The following LEPROTL1 variants were observed in gnomAD, a reference collection of about 807,000 sequenced individuals.
The protein encoded by LEPROTL1 is leptin receptor overlapping transcript like 1, also known as leptin receptor overlapping transcript-like 1.
Under a neutral mutation model 15.4 loss-of-function variants are expected in LEPROTL1, and 6 were observed. That is an observed-to-expected ratio of 0.39 (90% CI 0.21 to 0.77). The LOEUF (loss-of-function observed/expected upper bound fraction) is 0.77, where lower values mean the gene tolerates loss of function less well. Among genes scored for constraint, LEPROTL1 ranks in the 30% least tolerant of loss-of-function variants. The pLI is 0.41. For missense variants in LEPROTL1, 128 were observed against 158.1 expected, an observed-to-expected ratio of 0.81 and a Z score of 1.02; for synonymous variants, 56 against 52.6, an observed-to-expected ratio of 1.06 and a Z score of -0.28.
downstream of LEPROTL1, among the ~76,000 whole-genome samples, chr8:30,109,291 G>A (rs1802620405): frequency 6.6e-6 from 1 of 152,092 alleles, no homozygotes; most frequent in Non-Finnish European, 1.5e-5. Flanking sequence ...TTCTCTATAA[G>A]CTTGTATTGC....
chr8:30,134,455 A>C (rs1324691239), intron 4 of LEPROTL1, among the ~76,000 whole-genome samples: 5 of 151,994 alleles, frequency 3.3e-5, no homozygotes, highest in East Asian at 1.9e-4. Flanking sequence ...ACAAAAAAAA[A>C]CTTTGTCTTC....
chr8:30,117,009 A>G (rs137978049), intron 3 of LEPROTL1, among the ~76,000 whole-genome samples: 11 of 152,258 alleles, frequency 7.2e-5, no homozygotes, highest in African/African-American at 2.6e-4. Context: ...AAAAAAAACC[A>G]TACATTTGGT....
intron 3 of LEPROTL1, among the ~76,000 whole-genome samples, chr8:30,119,346 G>A (rs1268682819): frequency 1.3e-5 from 2 of 152,140 alleles, no homozygotes; most frequent in Non-Finnish European, 1.5e-5. Context: ...CCCTTTCTAC[G>A]TAGACACAGT....
chr8:30,117,383 C>G, intron 3 of LEPROTL1: 1 of 1,260,460 alleles, frequency 7.9e-7, no homozygotes, highest in Non-Finnish European at 1.1e-6. Context: ...GCATTACATC[C>G]CTAGAAAAAG....
At chr8:30,117,909 CA>C in intron 3 of LEPROTL1, 2 of 482,528 alleles carry the variant, frequency 4.1e-6, no homozygotes, top group South Asian at 7.0e-5. Context: ...TTTAAAATTA[CA>C]TTGTAGAAAA....
chr8:30,108,761 G>A (rs1212073252), downstream of LEPROTL1, among the ~76,000 whole-genome samples: 1 of 151,946 alleles, frequency 6.6e-6, no homozygotes, highest in African/African-American at 2.4e-5. Flanking sequence ...CTACGTAGCT[G>A]GGATTACAGG....
At chr8:30,104,513 G>T (rs758554613) in intron 3 of LEPROTL1, 27 bp downstream of exon 3, 2 of 1,469,044 alleles carry the variant, frequency 1.4e-6, no homozygotes, top group Non-Finnish European at 1.8e-6. Context: ...TTCCATTAAT[G>T]ATTTTATATT....
At chr8:30,137,199 C>T (rs1803166740) in intron 4 of LEPROTL1, 1 of 1,126,586 alleles carries the variant, frequency 8.9e-7, no homozygotes, top group African/African-American at 1.6e-5. Flanking sequence ...TGTTTCCTCT[C>T]ATCTCAGGGA....
At chr8:30,097,400 C>T (rs1480315627) in intron 1 of LEPROTL1, among the ~76,000 whole-genome samples, 2 of 151,878 alleles carry the variant, frequency 1.3e-5, no homozygotes, top group South Asian at 4.2e-4. Context: ...AATCCTGGCG[C>T]GGTGGCTCAC....
At chr8:30,118,721 T>C (rs1054860796) in intron 3 of LEPROTL1, among the ~76,000 whole-genome samples, 1 of 152,142 alleles carries the variant, frequency 6.6e-6, no homozygotes, top group Non-Finnish European at 1.5e-5. Context: ...ATTTTCACTA[T>C]CTCGGCAAGA....
chr8:30,104,228 T>G (rs1802519068), intron 2 of LEPROTL1, 72 bp from the exon 3 acceptor site: 1 of 932,634 alleles, frequency 1.1e-6, no homozygotes, highest in South Asian at 2.7e-5. Context: ...CTTGATTTTT[T>G]AAAAAGACCA....
chr8:30,130,679 G>A (rs1304826046), intron 3 of LEPROTL1, among the ~76,000 whole-genome samples: 1 of 151,518 alleles, frequency 6.6e-6, no homozygotes, highest in African/African-American at 2.4e-5. Flanking sequence ...TAACAATTAT[G>A]TAAATAGTTA....
chr8:30,118,537 C>A (rs1368921696), intron 3 of LEPROTL1, among the ~76,000 whole-genome samples: 1 of 152,064 alleles, frequency 6.6e-6, no homozygotes, highest in Non-Finnish European at 1.5e-5. Context: ...AAGGAGTGGC[C>A]TGCCCCTCCA....
chr8:30,095,750 A>C, intron 1 of LEPROTL1: 1 of 694,956 alleles, frequency 1.4e-6, no homozygotes, highest in East Asian at 2.8e-5. Flanking sequence ...CGCAGCCCCC[A>C]CTTTCTGCCG....
rs1248225976 is a variant in LEPROTL1, at chr8:30,104,497, A to G, written c.279+11A>G. On this transcript the variant is annotated intron_variant, in intron 3 of 3. Transcript: ENST00000321250. Reference sequence around the variant, plus strand: ...GCCAGAGCACATCTGGTAAGTGAATATATTCTTCCATTAATGATTTTATAT... The same window carrying G: ...GCCAGAGCACATCTGGTAAGTGAATGTATTCTTCCATTAATGATTTTATAT... 14 of 1,526,770 alleles carry G rather than the reference A, an allele frequency of 9.2e-6. No individual in the cohort carries two copies. Among genetic ancestry groups the G allele is most frequent in the Non-Finnish European group, 1.2e-5 (14 of 1,131,660 alleles). The allele number at this position is 1,526,770 out of a possible 1,614,324, so 94.6% of individuals were successfully genotyped here.
intron 3 of LEPROTL1, among the ~76,000 whole-genome samples, chr8:30,124,726 A>G (rs1802882026): frequency 6.6e-6 from 1 of 152,222 alleles, no homozygotes; most frequent in Non-Finnish European, 1.5e-5. Flanking sequence ...AAAAAAGTAT[A>G]AAAATAAAAT....
At chr8:30,121,151 T>G (rs1802822501) in intron 3 of LEPROTL1, among the ~76,000 whole-genome samples, 1 of 152,220 alleles carries the variant, frequency 6.6e-6, no homozygotes, top group South Asian at 2.1e-4. Context: ...GAAACTACAT[T>G]TACTCGATTC....
downstream of LEPROTL1, among the ~76,000 whole-genome samples, chr8:30,112,241 CT>C (rs1802662319): frequency 6.6e-6 from 1 of 151,608 alleles, no homozygotes; most frequent in African/African-American, 2.4e-5. Context: ...AACCATTTTT[CT>C]TTTCTTTCTT....
At chr8:30,104,668 G>T in intron 3 of LEPROTL1, 182 bp downstream of exon 3, 1 of 426,246 alleles carries the variant, frequency 2.3e-6, no homozygotes, top group Non-Finnish European at 4.1e-6. Flanking sequence ...TGGAGAACGT[G>T]GCTTGGATCT....
Sources: gnomAD v4.1 joint callset for allele counts (sites outside exome capture counted in the v4.1 genomes callset) on GRCh38, gnomAD v4.1.1 for gene constraint, MANE v1.5 for transcripts, NCBI Gene and HGNC (gene_info 2026-07-23, HGNC 2026-07-21) for gene names.